The following TXNDC5 variants were observed in gnomAD, a reference collection of about 807,000 sequenced individuals.
TXNDC5 encodes the protein thioredoxin domain-containing protein 5.
Under a neutral mutation model 52.6 loss-of-function variants are expected in TXNDC5, and 44 were observed. The observed-to-expected ratio is 0.84, with a 90% CI of 0.66 to 1.08. The LOEUF is 1.08. Ranked by LOEUF, TXNDC5 falls within the 50% of genes least tolerant of loss-of-function variation. The pLI is 0.00. For synonymous variants in TXNDC5, 241 were observed against 234.4 expected (o/e 1.03, Z -0.26); for missense variants, 600 against 565.5 (o/e 1.06, Z -0.62).
intron 3 of TXNDC5, among the ~76,000 whole-genome samples, chr6:7,898,512 C>T (rs1760451520): frequency 6.6e-6 from 1 of 152,216 alleles, no homozygotes; most frequent in African/African-American, 2.4e-5. Flanking sequence ...AGGACCACCA[C>T]AGACCACCTT....
intron 4 of TXNDC5, among the ~76,000 whole-genome samples, chr6:7,893,716 GGC>G (rs1169952420): frequency 1.1e-4 from 17 of 152,240 alleles, no homozygotes; most frequent in African/African-American, 4.1e-4. Context: ...AGTGGGAAAA[GGC>G]TGAAGGCCTC....
intron 4 of TXNDC5, among the ~76,000 whole-genome samples, chr6:7,892,895 G>A (rs559456670): frequency 6.6e-6 from 1 of 152,354 alleles, no homozygotes; most frequent in Non-Finnish European, 1.5e-5. Flanking sequence ...TGTCAGGCAA[G>A]TGCCTTCTTG....
chr6:7,885,971 A>G lies in TXNDC5; in HGVS notation c.1036T>C (p.Tyr346His), dbSNP rs1172764057. The G allele has an allele frequency of 6.2e-7, 1 of 1,614,180 alleles. No homozygotes were observed. The highest frequency in any genetic ancestry group is 2.2e-5 in the East Asian group (1 of 44,884). ...IAEGITFIKF[Y>H]APWCGHCKTL... ...TAAACAGCCACTTACCATGGAGCATAAAACTTGATGAAGGTTATTCCTTCT... is the reference window on the plus strand; with the variant it reads ...TAAACAGCCACTTACCATGGAGCATGAAACTTGATGAAGGTTATTCCTTCT... Residue 346 changes from tyrosine (Y) to histidine (H), a missense_variant, in exon 8 of 10, where the codon TAT becomes CAT. Physicochemically the swap from Tyr to His is moderately conservative, Grantham distance 83. Coordinates refer to ENST00000379757, the MANE Select transcript of TXNDC5 (RefSeq NM_030810.5).
chr6:7,899,174 G>A (rs1760477076), intron 3 of TXNDC5, among the ~76,000 whole-genome samples: 1 of 152,188 alleles, frequency 6.6e-6, no homozygotes, highest in Non-Finnish European at 1.5e-5. Context: ...GTACAGTTGT[G>A]AACTGTATTA....
intron 7 of TXNDC5, 117 bp downstream of exon 7, chr6:7,888,588 T>A: frequency 7.6e-7 from 1 of 1,318,316 alleles, no homozygotes; most frequent in South Asian, 1.5e-5. Context: ...ATCAGATGAC[T>A]GTGTCCCCAA....
chr6:7,907,049 A>G (rs1236727836), intron 1 of TXNDC5, among the ~76,000 whole-genome samples: 1 of 152,186 alleles, frequency 6.6e-6, no homozygotes, highest in Non-Finnish European at 1.5e-5. Context: ...TTCCTAAGGG[A>G]CTGTCAAGGG....
In TXNDC5 at chr6:7,895,140, G is replaced by A. The variant is rs2113344433; in HGVS notation, c.582C>T (p.Leu194=). 4 of 1,613,902 alleles carry A rather than the reference G, an allele frequency of 2.5e-6. No homozygotes were observed. In the East Asian group the frequency reaches 8.9e-5, roughly 36 times the overall value. ...CGTGCAGCTCAAAGTTGCTTGCTGA[G>A]AGCTCATACAGCCCTTGCTTGAGCT... is the stretch of plus-strand genomic sequence containing the variant. ...APELKQGLYE[L]SASNFELHVA... The change falls in exon 4 of 10, where the codon CTC becomes CTT. Residue 194 remains leucine, a synonymous_variant. Coordinates refer to ENST00000379757, the MANE Select transcript of TXNDC5 (RefSeq NM_030810.5).
chr6:7,901,943 G>T (rs411428), intron 2 of TXNDC5, among the ~76,000 whole-genome samples: 47,582 of 152,028 alleles, frequency 0.31, 8,125 homozygotes, highest in East Asian at 0.65. Context: ...TCTTTACAGA[G>T]ATATTCAAGT....
rs533635361 is a variant in TXNDC5 at position 7,890,623 on chromosome 6, A to G, written c.732+998T>C. Among the ~76,000 whole-genome samples the G allele has an allele frequency of 8.9e-4, 136 of 152,348 alleles. 1 individual carries two copies. Among genetic ancestry groups the G allele is most frequent in the African/African-American group, 3.1e-3 (128 of 41,576 alleles). On this transcript the variant is annotated intron_variant, in intron 5 of 9. Coordinates refer to ENST00000379757, the MANE Select transcript of TXNDC5 (RefSeq NM_030810.5). ...ATTATTTTATAATTACTTCCCCGAAATGTTCAATAAATATAAACTGATAAT... is the reference window on the plus strand; with the variant it reads ...ATTATTTTATAATTACTTCCCCGAAGTGTTCAATAAATATAAACTGATAAT...
chr6:7,910,483 C>T (rs1472376231), intron 1 of TXNDC5, 31 bp downstream of exon 1: 20 of 1,398,554 alleles, frequency 1.4e-5, no homozygotes, highest in Non-Finnish European at 1.5e-5. Flanking sequence ...GCGCCAAGTG[C>T]GGGGCAGGGC....
chr6:7,891,800 TAG>T (rs765699777), intron 4 of TXNDC5, 64 bp from the exon 5 acceptor site: 396 of 1,160,374 alleles, frequency 3.4e-4, no homozygotes, highest in Admixed American at 4.5e-4. Flanking sequence ...CAGACCTCAC[TAG>T]AGAGTTAATT....
At position 7,891,710 on chromosome 6, in the gene TXNDC5, G is replaced by T; in HGVS notation, c.643C>A (p.Pro215Thr). 1.2e-6 allele frequency: 2 copies of T among 1,613,796 alleles called. No individual in the cohort carries two copies. Among genetic ancestry groups the T allele is most frequent in the Non-Finnish European group, 1.7e-6 (2 of 1,179,826 alleles). The change falls in exon 5 of 10, where the codon CCG (proline) becomes ACG (threonine). Residue 215 changes from proline (P) to threonine (T), a missense_variant. Transcript: ENST00000379757. ...AGGGCTTTGCAGTGACCACACCACG[G>T]AGCGAAGAACTTGATAAAGTGGTCG... ...QGDHFIKFFAPWCGHCKALAP... is the reference protein window; with the variant it reads ...QGDHFIKFFATWCGHCKALAP...
intron 1 of TXNDC5, chr6:7,909,993 T>A (rs1242718725): frequency 1.0e-6 from 1 of 985,624 alleles, no homozygotes; most frequent in East Asian, 1.1e-4. Flanking sequence ...GACCGCGGGG[T>A]GACATTTGGA....
At chr6:7,887,739 T>A (rs867620871) in intron 7 of TXNDC5, among the ~76,000 whole-genome samples, 41 of 152,154 alleles carry the variant, frequency 2.7e-4, no homozygotes, top group African/African-American at 9.2e-4. Flanking sequence ...GCCCACAGAC[T>A]CTCAACTCCA....
At chr6:7,888,561 CG>C in intron 7 of TXNDC5, 143 bp downstream of exon 7, 1 of 1,045,268 alleles carries the variant, frequency 9.6e-7, no homozygotes, top group East Asian at 2.8e-5. Flanking sequence ...GTGTTGAAAA[CG>C]CAACTGGAGC....
At chr6:7,897,910 T>G (rs1760427883) in intron 3 of TXNDC5, among the ~76,000 whole-genome samples, 2 of 152,204 alleles carry the variant, frequency 1.3e-5, no homozygotes, top group Admixed American at 1.3e-4. Flanking sequence ...AATTGAAAAC[T>G]ATGAAAGTCA....
intron 1 of TXNDC5, chr6:7,909,757 C>G (rs1025161132): frequency 1.0e-6 from 1 of 985,862 alleles, no homozygotes; most frequent in Non-Finnish European, 1.2e-6. Flanking sequence ...CAACCCTCCT[C>G]TGCCCGGACC....
intron 4 of TXNDC5, among the ~76,000 whole-genome samples, chr6:7,893,413 A>G (rs1760263210): frequency 6.6e-6 from 1 of 152,270 alleles, no homozygotes; most frequent in Non-Finnish European, 1.5e-5. Context: ...TGTAAGGTGG[A>G]GACAGGCTCT....
intron 2 of TXNDC5, among the ~76,000 whole-genome samples, chr6:7,901,886 T>G (rs1237949785): frequency 6.6e-6 from 1 of 152,190 alleles, no homozygotes; most frequent in Admixed American, 6.5e-5. Context: ...CAGATCTGTG[T>G]AAGTCATAAC....
Sources: gnomAD v4.1 joint callset for allele counts (sites outside exome capture counted in the v4.1 genomes callset) on GRCh38, gnomAD v4.1.1 for gene constraint, MANE v1.5 for transcripts, NCBI Gene and HGNC (gene_info 2026-07-23, HGNC 2026-07-21) for gene names.